NOXO1: variants seen among roughly 807,000 people sequenced by gnomAD.
NOXO1 encodes NADPH oxidase regulatory protein.
A neutral mutation model predicts 33.3 loss-of-function variants in NOXO1; 38 were observed. The observed-to-expected ratio is 1.14, with a 90% confidence interval of 0.88 to 1.50. The LOEUF (loss-of-function observed/expected upper bound fraction) is 1.50. Among genes scored for constraint, NOXO1 ranks in the 40% most tolerant of loss-of-function variants. The pLI is 0.00. For missense variants in NOXO1, 675 were observed against 527.1 expected (o/e 1.28, Z -2.75); for synonymous variants, 302 against 237.3 (o/e 1.27, Z -2.51).
chr16:1,980,076 G>T lies in NOXO1; in HGVS notation c.507C>A (p.Phe169Leu). 1 of 1,608,028 alleles carries T rather than the reference G, an allele frequency of 6.2e-7. No homozygotes were observed. Residue 169 changes from phenylalanine to leucine, a missense_variant, in exon 5 of 8, where the codon TTC (phenylalanine) becomes TTA (leucine). By Grantham distance (22) the Phe-to-Leu change is conservative (BLOSUM62 0). Transcript: ENST00000356120. ...GCCTATCCCGCGTGTCCTGGGTACAGAAGGGCTGCAGGCAGCGCAGGCTCT... is the reference window on the plus strand; with the variant it reads ...GCCTATCCCGCGTGTCCTGGGTACATAAGGGCTGCAGGCAGCGCAGGCTCT... The part of the protein sequence containing the change: ...EAQSLRCLQP[F>L]CTQDTRDRPF...
rs764118739 is a variant in NOXO1, at chr16:1,981,100, C to T, written c.66+14G>A. On this transcript the variant is annotated intron_variant, in intron 1 of 7. Transcript: ENST00000356120. The stretch of plus-strand genomic sequence containing the variant: ...CTATCCCTTGGGGCCACTAAGGACC[C>T]AGCCAGGTCTTACTTGGAGCCTCTT... The T allele has an allele frequency of 1.2e-5, 20 of 1,612,780 alleles. No homozygotes were observed. The South Asian group carries it at 2.0e-4, about 16-fold the overall frequency.
chr16:1,978,964 C>G lies in NOXO1; in HGVS notation c.*88G>C. The stretch of plus-strand genomic sequence containing the variant: ...AGAGGAACAGCAAATGGCCCCCTCC[C>G]ATCCCTGCTGGCCAGGGAGATCCGC... On this transcript the variant is annotated 3_prime_UTR_variant, in exon 8 of 8. Transcript: ENST00000356120. The G allele has an allele frequency of 7.6e-7, 1 of 1,309,084 alleles. No homozygotes were observed. The highest frequency in any genetic ancestry group is 1.0e-6 in the Non-Finnish European group (1 of 965,386). 81.1% of individuals were successfully genotyped at this position (1,309,084 alleles called of 1,614,324 possible).
Position 1,980,511 on chromosome 16 carries a change from C to A in NOXO1, c.257G>T (p.Ser86Ile), listed in dbSNP as rs2083482398. 1 of 1,603,240 alleles carries A rather than the reference C, an allele frequency of 6.2e-7. No homozygotes were observed. The highest frequency in any genetic ancestry group is 8.5e-7 in the Non-Finnish European group (1 of 1,179,228). Reference sequence around the variant, plus strand: ...CAGCTGCAGGCGCGCCAGGCCGCGGCTCGTGCGCCCCACGCGTCCCAACAG... The same window carrying A: ...CAGCTGCAGGCGCGCCAGGCCGCGGATCGTGCGCCCCACGCGTCCCAACAG... ...APLLGRVGRT[S>I]RGLARLQLLE... is the part of the protein sequence containing the mutation. The change falls in exon 4 of 8, where the codon AGC (serine) becomes ATC (isoleucine). Residue 86 changes from serine to isoleucine, a missense_variant. Physicochemically the swap from Ser to Ile is moderately radical, Grantham distance 142. Transcript: ENST00000356120.
At position 1,978,943 on chromosome 16, in the gene NOXO1, GAA is replaced by G; in HGVS notation, c.*107_*108del. On this transcript the variant is annotated 3_prime_UTR_variant, in exon 8 of 8. Transcript: ENST00000356120. The stretch of plus-strand genomic sequence containing the variant: ...CATGCAGAACAAGCTTTACTCAGAG[GAA>G]CAGCAAATGGCCCCCTCCCATCCCT... 1 of 1,199,748 alleles carries G rather than the reference GAA, an allele frequency of 8.3e-7. No homozygotes were observed. The highest frequency in any genetic ancestry group is 1.2e-6 in the Non-Finnish European group (1 of 866,928). The allele number at this position is 1,199,748 out of a possible 1,614,324, so 74.3% of individuals were successfully genotyped here. A position where few individuals can be genotyped will look rare whatever the true frequency, so the allele number is the denominator to read the frequency against.
At chr16:1,980,234 C>T in intron 4 of NOXO1, 53 bp from the exon 5 acceptor site, 1 of 1,540,686 alleles carries the variant, frequency 6.5e-7, no homozygotes, top group Non-Finnish European at 8.7e-7. Context: ...GAGGGTGAAA[C>T]TGGGGGCGCC....
Position 1,979,878 on chromosome 16 carries a change from G to A in NOXO1, c.612C>T (p.Asp204=). The part of the protein sequence containing the change: ...PSGWWLVENE[D]RQTAWFPAPY... ...GCGCTGGAAACCAGGCGGTCTGCCG[G>A]TCTTCGTTCTCCACCAGCCACCAGC... The change falls in exon 6 of 8, where the codon GAC becomes GAT. Residue 204 remains aspartate, a synonymous_variant. Coordinates refer to ENST00000356120, the MANE Select transcript of NOXO1 (RefSeq NM_172167.3). The A allele has an allele frequency of 6.3e-7, 1 of 1,582,416 alleles. No individual in the cohort carries two copies. The highest frequency in any genetic ancestry group is 2.3e-5 in the East Asian group (1 of 42,896).
rs1471441150 is a variant in NOXO1, at chr16:1,981,358, C to A, written c.-179G>T. The A allele has an allele frequency of 2.1e-6, 3 of 1,416,700 alleles. No individual in the cohort carries two copies. In the Admixed American group the frequency reaches 8.5e-5, roughly 40 times the overall value. The allele number at this position is 1,416,700 out of a possible 1,614,324, so 87.8% of individuals were successfully genotyped here. ...GAGTCCTTTGCAGCTTTCTTGCTGT[C>A]CCCCAAGCCCACGATCTGGGGGCAG... On this transcript the variant is annotated 5_prime_UTR_variant, in exon 1 of 8. Transcript: ENST00000356120.
chr16:1,980,406 G>C lies in NOXO1; in HGVS notation c.362C>G (p.Pro121Arg). The C allele has an allele frequency of 6.2e-7, 1 of 1,602,972 alleles. No individual in the cohort carries two copies. ...CGCGGGCTCCAGGTCCAGGGGTTGCGGTGCGAAGAAGCCAGTGATCGTCGG... is the reference window on the plus strand; with the variant it reads ...CGCGGGCTCCAGGTCCAGGGGTTGCCGTGCGAAGAAGCCAGTGATCGTCGG... Reference protein sequence around the residue: ...RSPTITGFFAPQPLDLEPALP... With the variant: ...RSPTITGFFARQPLDLEPALP... Residue 121 changes from proline to arginine, a missense_variant, in exon 4 of 8, where the codon CCG becomes CGG. Transcript: ENST00000356120.
chr16:1,979,427 G>GC lies in NOXO1; in HGVS notation c.815dup (p.Cys272TrpfsTer38), dbSNP rs1380443676. 3.1e-6 allele frequency: 5 copies of GC among 1,608,042 alleles called. No homozygotes were observed. Among genetic ancestry groups the GC allele is most frequent in the Non-Finnish European group, 4.2e-6 (5 of 1,178,774 alleles). ...TGCCCACGCCCGCTCCCGCGTACCT[G>GC]CATAGCCACCAGCCGCGGTCTGACG... is the stretch of plus-strand genomic sequence containing the variant. On this transcript the variant is annotated frameshift_variant, in exon 7 of 8. Coordinates refer to ENST00000356120, the MANE Select transcript of NOXO1 (RefSeq NM_172167.3). LOFTEE classifies it low-confidence loss of function (END_TRUNC).
chr16:1,980,978 G>A lies in NOXO1; in HGVS notation c.108C>T (p.Thr36=). ...ATTCGTCCCAACTCCTGCGCACGAA[G>A]GTGTCGCTGCCGTCTGACCAGCGCA... The part of the protein sequence containing the change: ...FSVRWSDGSD[T]FVRRSWDEFR... Residue 36 remains threonine, a synonymous_variant, in exon 2 of 8, where the codon ACC becomes ACT. Transcript: ENST00000356120. 4 of 1,613,240 alleles carry A rather than the reference G, an allele frequency of 2.5e-6. No homozygotes were observed. Among genetic ancestry groups the A allele is most frequent in the Non-Finnish European group, 3.4e-6 (4 of 1,180,022 alleles).
chr16:1,980,963 A>G lies in NOXO1; in HGVS notation c.123T>C (p.Ser41=). The G allele has an allele frequency of 6.2e-7, 1 of 1,612,864 alleles. No individual in the cohort carries two copies. Among genetic ancestry groups the G allele is most frequent in the Non-Finnish European group, 8.5e-7 (1 of 1,179,960 alleles). ...SDGSDTFVRR[S]WDEFRQLKKT... is the part of the protein sequence containing the mutation. ...CCTTGAGCTGCCTGAATTCGTCCCA[A>G]CTCCTGCGCACGAAGGTGTCGCTGC... is the stretch of plus-strand genomic sequence containing the variant. The change falls in exon 2 of 8, where the codon AGT becomes AGC. Residue 41 remains serine (S), a synonymous_variant. Coordinates refer to ENST00000356120, the MANE Select transcript of NOXO1 (RefSeq NM_172167.3).
chr16:1,981,150 C>T lies in NOXO1; in HGVS notation c.30G>A (p.Val10=). Residue 10 remains valine (V), a synonymous_variant, in exon 1 of 8, where the codon GTG becomes GTA. Coordinates refer to ENST00000356120, the MANE Select transcript of NOXO1 (RefSeq NM_172167.3). ...TGATCTGCACCAGGGCTGCCCCTTG[C>T]ACTGAAACTGGGTATCGGGGGCCTG... MAGPRYPVS[V]QGAALVQIKR... 6.2e-7 allele frequency: 1 copy of T among 1,613,618 alleles called. No individual in the cohort carries two copies. Among genetic ancestry groups the T allele is most frequent in the Non-Finnish European group, 8.5e-7 (1 of 1,180,022 alleles).
chr16:1,978,963 C>CCAT lies in NOXO1; in HGVS notation c.*86_*88dup. 2 of 1,305,236 alleles carry CCAT rather than the reference C, an allele frequency of 1.5e-6. No homozygotes were observed. The highest frequency in any genetic ancestry group is 2.1e-6 in the Non-Finnish European group (2 of 961,860). 80.9% of individuals were successfully genotyped at this position (1,305,236 alleles called of 1,614,324 possible). ...CAGAGGAACAGCAAATGGCCCCCTC[C>CCAT]CATCCCTGCTGGCCAGGGAGATCCG... On this transcript the variant is annotated 3_prime_UTR_variant, in exon 8 of 8. Transcript: ENST00000356120.
chr16:1,980,029 T>C lies in NOXO1; in HGVS notation c.554A>G (p.Glu185Gly). Residue 185 changes from glutamate to glycine, a missense_variant, in exon 5 of 8, where the codon GAG (glutamate) becomes GGG (glycine). Coordinates refer to ENST00000356120, the MANE Select transcript of NOXO1 (RefSeq NM_172167.3). ...GTGCCGCAGCAGCACGTCCAGGCTC[T>C]CCTGGGCCTGCGCCTGAAAAGGCCT... The part of the protein sequence containing the change: ...RDRPFQAQAQ[E>G]SLDVLLRHPS... 1 of 1,606,728 alleles carries C rather than the reference T, an allele frequency of 6.2e-7. No individual in the cohort carries two copies. The highest frequency in any genetic ancestry group is 8.5e-7 in the Non-Finnish European group (1 of 1,177,908).
rs2083477955 is a variant in NOXO1, at chr16:1,980,348, T to G, written c.401+19A>C. On this transcript the variant is annotated intron_variant, in intron 4 of 7. Transcript: ENST00000356120. ...TCCAAACGCCGCTGCATGCTGGGAG[T>G]TTGGGGCGAGTCAGGCACCTGCCGG... 2.5e-6 allele frequency: 4 copies of G among 1,593,684 alleles called. No individual in the cohort carries two copies. In the East Asian group the frequency reaches 8.9e-5, roughly 36 times the overall value.
Position 1,981,341 on chromosome 16 carries a change from T to G in NOXO1, c.-162A>C. 7.0e-7 allele frequency: 1 copy of G among 1,435,382 alleles called. No homozygotes were observed. Among genetic ancestry groups the G allele is most frequent in the Non-Finnish European group, 9.1e-7 (1 of 1,097,454 alleles). The allele number at this position is 1,435,382 out of a possible 1,614,324, so 88.9% of individuals were successfully genotyped here. A position where few individuals can be genotyped will look rare whatever the true frequency, so the allele number is the denominator to read the frequency against. On this transcript the variant is annotated 5_prime_UTR_variant, in exon 1 of 8. Coordinates refer to ENST00000356120, the MANE Select transcript of NOXO1 (RefSeq NM_172167.3). Reference sequence around the variant, plus strand: ...GTGGAGCCGCCCCAGCTGAGTCCTTTGCAGCTTTCTTGCTGTCCCCCAAGC... The same window carrying G: ...GTGGAGCCGCCCCAGCTGAGTCCTTGGCAGCTTTCTTGCTGTCCCCCAAGC...
chr16:1,980,923 G>T lies in NOXO1; in HGVS notation c.147+16C>A. The T allele has an allele frequency of 6.2e-7, 1 of 1,608,964 alleles. No homozygotes were observed. On this transcript the variant is annotated intron_variant, in intron 2 of 7. Coordinates refer to ENST00000356120, the MANE Select transcript of NOXO1 (RefSeq NM_172167.3). ...AAGCCGCCACCGCGGCATCAGGGTG[G>T]CCCAGGGTCACTCACCTTGAGCTGC...
chr16:1,980,938 C>T lies in NOXO1; in HGVS notation c.147+1G>A. 6.2e-7 allele frequency: 1 copy of T among 1,612,448 alleles called. No individual in the cohort carries two copies. The highest frequency in any genetic ancestry group is 1.1e-5 in the South Asian group (1 of 91,078). ...CATCAGGGTGGCCCAGGGTCACTCACCTTGAGCTGCCTGAATTCGTCCCAA... is the reference window on the plus strand; with the variant it reads ...CATCAGGGTGGCCCAGGGTCACTCATCTTGAGCTGCCTGAATTCGTCCCAA... On this transcript the variant is annotated splice_donor_variant, in intron 2 of 7. Coordinates refer to ENST00000356120, the MANE Select transcript of NOXO1 (RefSeq NM_172167.3). LOFTEE classifies it high-confidence loss of function.
chr16:1,979,799 C>T lies in NOXO1; in HGVS notation c.691G>A (p.Gly231Arg), dbSNP rs2150888805. 4 of 1,553,788 alleles carry T rather than the reference C, an allele frequency of 2.6e-6. No homozygotes were observed. Among genetic ancestry groups the T allele is most frequent in the Non-Finnish European group, 3.5e-6 (4 of 1,151,150 alleles). The change falls in exon 6 of 8, where the codon GGG becomes AGG. Residue 231 changes from glycine to arginine, a missense_variant. Physicochemically the swap from Gly to Arg is moderately radical, Grantham distance 125. Transcript: ENST00000356120. Reference protein sequence around the residue: ...GQGREGGPSLGSSGPQFCASR... With the variant: ...GQGREGGPSLRSSGPQFCASR... ...GGGGTTAGGCGCATACCGCTGCTCC[C>T]TAGGGACGGGCCTCCCTCCCGGCCT...
Sources: allele counts gnomAD v4.1 joint callset, GRCh38; gene constraint gnomAD v4.1.1; transcripts MANE v1.5; gene names NCBI Gene and HGNC (gene_info 2026-07-23, HGNC 2026-07-21).